CHSY3: variants seen among roughly 807,000 people sequenced by gnomAD.
CHSY3 encodes N-acetylgalactosaminyl-proteoglycan 3-beta-glucuronosyltransferase 3.
Under a neutral mutation model 67.2 loss-of-function variants are expected in CHSY3, and 35 were observed. The observed-to-expected ratio is 0.52, with a 90% CI of 0.40 to 0.69. The LOEUF (loss-of-function observed/expected upper bound fraction) is 0.69. Among genes scored for constraint, CHSY3 ranks in the 30% least tolerant of loss-of-function variants. The pLI, the probability that CHSY3 is intolerant of heterozygous loss-of-function variation, is 0.00. For missense variants in CHSY3, 1,069 were observed against 1,138.5 expected, an observed-to-expected ratio of 0.94 and a Z score of 0.88; for synonymous variants, 474 against 434.7, an observed-to-expected ratio of 1.09 and a Z score of -1.12.
At position 129,995,454 on chromosome 5, in the gene CHSY3, T is replaced by TA. The variant is rs200560499; in HGVS notation, c.1086+87102dup. On this transcript the variant is annotated intron_variant, in intron 2 of 2. Coordinates refer to ENST00000305031, the MANE Select transcript of CHSY3 (RefSeq NM_175856.5). ...TTTTAATAAAGTCTAATTCGTCGAT[T>TA]AAAAAAAAGAATGATGTGATTCCAA... Among the ~76,000 whole-genome samples the TA allele has an allele frequency of 4.7e-4, 71 of 151,392 alleles. 1 individual carries two copies. The East Asian group carries it at 0.01, about 22-fold the overall frequency.
intron 2 of CHSY3, among the ~76,000 whole-genome samples, chr5:130,108,245 T>G (rs894941282): frequency 6.6e-6 from 1 of 151,588 alleles, no homozygotes; most frequent in Non-Finnish European, 1.5e-5. Flanking sequence ...AATGTTAGTG[T>G]TATGTTTGAA....
chr5:130,014,266 A>G (rs1276948347), intron 2 of CHSY3, among the ~76,000 whole-genome samples: 1 of 152,122 alleles, frequency 6.6e-6, no homozygotes, highest in Non-Finnish European at 1.5e-5. Context: ...TTCTAAAGTC[A>G]CTTCCACATT....
At chr5:130,073,542 A>G (rs907705083) in intron 2 of CHSY3, among the ~76,000 whole-genome samples, 9 of 152,062 alleles carry the variant, frequency 5.9e-5, no homozygotes, top group African/African-American at 2.2e-4. Context: ...AAAGAGAAAG[A>G]TAACAAATGT....
intron 2 of CHSY3, among the ~76,000 whole-genome samples, chr5:129,952,859 T>A (rs1041450397): frequency 2.0e-5 from 3 of 152,240 alleles, no homozygotes; most frequent in Non-Finnish European, 4.4e-5. Context: ...TTTTCTTTAA[T>A]CATCAAACAC....
intron 2 of CHSY3, among the ~76,000 whole-genome samples, chr5:130,071,034 A>G (rs1766045465): frequency 1.3e-5 from 2 of 152,134 alleles, no homozygotes; most frequent in East Asian, 1.9e-4. Flanking sequence ...GATTAGATAG[A>G]TAGACAGAGA....
intron 2 of CHSY3, among the ~76,000 whole-genome samples, chr5:130,045,858 C>T (rs976444963): frequency 1.3e-5 from 2 of 152,082 alleles, no homozygotes; most frequent in Admixed American, 6.6e-5. Flanking sequence ...CCAAGATGTG[C>T]TTCAAACTTG....
chr5:129,922,774 A>G (rs1760968373), intron 2 of CHSY3, among the ~76,000 whole-genome samples: 1 of 151,866 alleles, frequency 6.6e-6, no homozygotes, highest in African/African-American at 2.4e-5. Flanking sequence ...ATTTTCTCCC[A>G]TTGTATAGGT....
At chr5:129,918,593 A>T (rs2149581114) in intron 2 of CHSY3, among the ~76,000 whole-genome samples, 1 of 152,244 alleles carries the variant, frequency 6.6e-6, no homozygotes, top group East Asian at 1.9e-4. Flanking sequence ...CCTCCTCCAA[A>T]CTGGAAGTAA....
At chr5:130,025,291 T>C (rs567417229) in intron 2 of CHSY3, among the ~76,000 whole-genome samples, 104 of 152,198 alleles carry the variant, frequency 6.8e-4, no homozygotes, top group African/African-American at 2.4e-3. Flanking sequence ...AAATTAGCCA[T>C]ATGAAAAATC....
At chr5:130,013,220 G>T (rs1764119029) in intron 2 of CHSY3, among the ~76,000 whole-genome samples, 1 of 152,142 alleles carries the variant, frequency 6.6e-6, no homozygotes, top group African/African-American at 2.4e-5. Context: ...CCTCCTGGCT[G>T]CTTTCACAGG....
intron 2 of CHSY3, among the ~76,000 whole-genome samples, chr5:129,909,999 G>A (rs770917532): frequency 1.1e-4 from 17 of 151,900 alleles, no homozygotes; most frequent in African/African-American, 4.1e-4. Context: ...TGCTGTGAAG[G>A]CCTAGTCTTC....
intron 2 of CHSY3, among the ~76,000 whole-genome samples, chr5:129,941,078 G>A (rs755408077): frequency 3.3e-5 from 5 of 152,192 alleles, no homozygotes; most frequent in Non-Finnish European, 7.4e-5. Flanking sequence ...AAAATTAGCC[G>A]AGCATGGTAG....
chr5:130,174,528 T>G (rs1374272650), intron 2 of CHSY3, among the ~76,000 whole-genome samples: 1 of 152,138 alleles, frequency 6.6e-6, no homozygotes, highest in African/African-American at 2.4e-5. Context: ...ATTGTAAACA[T>G]ATTTGAATCA....
At chr5:130,125,054 G>A (rs759538136) in intron 2 of CHSY3, among the ~76,000 whole-genome samples, 5 of 152,190 alleles carry the variant, frequency 3.3e-5, no homozygotes, top group African/African-American at 4.8e-5. Context: ...GCCGATGGGG[G>A]AGAATTGCTT....
chr5:130,112,528 C>A (rs1223554125), intron 2 of CHSY3, among the ~76,000 whole-genome samples: 1 of 152,094 alleles, frequency 6.6e-6, no homozygotes, highest in African/African-American at 2.4e-5. Context: ...TACACCACCT[C>A]TCTAAATTAG....
chr5:130,107,473 A>G (rs1312758569), intron 2 of CHSY3, among the ~76,000 whole-genome samples: 1 of 151,300 alleles, frequency 6.6e-6, no homozygotes, highest in Non-Finnish European at 1.5e-5. Flanking sequence ...GTCTATATAT[A>G]TACTTTTTCA....
At chr5:130,180,426 A>G (rs1350413762) in intron 2 of CHSY3, among the ~76,000 whole-genome samples, 1 of 152,208 alleles carries the variant, frequency 6.6e-6, no homozygotes, top group Non-Finnish European at 1.5e-5. Context: ...TGGTAAATTT[A>G]TACAGTTATA....
intron 2 of CHSY3, among the ~76,000 whole-genome samples, chr5:130,133,122 G>T (rs1768535643): frequency 6.6e-6 from 1 of 152,158 alleles, no homozygotes; most frequent in South Asian, 2.1e-4. Context: ...AGATGTTTAT[G>T]TAAAAGGTTG....
rs766115013 is a variant in CHSY3, at chr5:129,905,561, G to A, written c.732G>A (p.Lys244=). The part of the protein sequence containing the change: ...PPQKKSFMMI[K]YMHDHYLDKY... ...AGAAAAAGTCCTTCATGATGATCAA[G>A]TACATGCACGACCACTACCTGGACA... The change falls in exon 1 of 3, where the codon AAG becomes AAA. Residue 244 remains lysine (K), a synonymous_variant. Transcript: ENST00000305031. 3.7e-6 allele frequency: 6 copies of A among 1,613,680 alleles called. No individual in the cohort carries two copies. In the African/African-American group the frequency reaches 8.0e-5, roughly 22 times the overall value.
Sources: allele counts gnomAD v4.1 joint callset (sites outside exome capture counted in the v4.1 genomes callset), GRCh38; gene constraint gnomAD v4.1.1; transcripts MANE v1.5; gene names NCBI Gene and HGNC (gene_info 2026-07-23, HGNC 2026-07-21).